PATJ: variants seen among roughly 807,000 people sequenced by gnomAD.
The protein encoded by PATJ is inaD-like protein.
Under a neutral mutation model 224.9 loss-of-function variants are expected in PATJ, and 190 were observed. The ratio of observed to expected loss-of-function variants is 0.84; its 90% CI spans 0.75 to 0.95. PATJ has a LOEUF of 0.95. Among genes scored for constraint, PATJ ranks in the 40% least tolerant of loss-of-function variants. The pLI is 0.00. For synonymous variants in PATJ, 769 were observed against 820.3 expected, an observed-to-expected ratio of 0.94 and a Z score of 1.07; for missense variants, 2,121 against 2,270.3, an observed-to-expected ratio of 0.93 and a Z score of 1.34.
At chr1:62,103,038 C>T (rs1349154322) in intron 33 of PATJ, among the ~76,000 whole-genome samples, 1 of 152,112 alleles carries the variant, frequency 6.6e-6, no homozygotes, top group Non-Finnish European at 1.5e-5. Flanking sequence ...TCAACTTCTG[C>T]TTCCACAAGT....
chr1:62,149,418 A>T (rs1668399084), intron 42 of PATJ, among the ~76,000 whole-genome samples: 1 of 152,194 alleles, frequency 6.6e-6, no homozygotes, highest in South Asian at 2.1e-4. Flanking sequence ...TCATGGTCAT[A>T]GCCCGTCCCA....
chr1:62,079,315 C>G (rs1658866443), intron 31 of PATJ, 135 bp from the exon 32 acceptor site: 1 of 602,276 alleles, frequency 1.7e-6, no homozygotes, highest in East Asian at 2.8e-5. Flanking sequence ...AACTTCTTGC[C>G]ACCCTCCAAC....
chr1:62,072,875 C>G (rs1558129994), intron 31 of PATJ: 1 of 174,224 alleles, frequency 5.7e-6, no homozygotes. Flanking sequence ...AAGAGTTAGT[C>G]CAGTGGGTGA....
chr1:61,773,866 G>A (rs1254909105), intron 6 of PATJ, among the ~76,000 whole-genome samples: 11 of 151,440 alleles, frequency 7.3e-5, no homozygotes, highest in African/African-American at 1.2e-4. Flanking sequence ...CACGCCTGTA[G>A]TCCCAGGACT....
At chr1:62,097,928 T>A (rs2148820477) in intron 33 of PATJ, among the ~76,000 whole-genome samples, 2 of 152,280 alleles carry the variant, frequency 1.3e-5, no homozygotes, top group East Asian at 3.9e-4. Context: ...ACACAACATT[T>A]GGGTTCATAG....
chr1:61,856,691 C>T (rs571195777), intron 18 of PATJ, among the ~76,000 whole-genome samples: 1 of 152,110 alleles, frequency 6.6e-6, no homozygotes, highest in Non-Finnish European at 1.5e-5. Flanking sequence ...TGGGTTCAAG[C>T]GATTCTCCTG....
chr1:61,971,153 G>A (rs941253095), intron 27 of PATJ, among the ~76,000 whole-genome samples: 11 of 152,172 alleles, frequency 7.2e-5, no homozygotes, highest in African/African-American at 2.7e-4. Context: ...TCATTGACCA[G>A]TCTGAGGCTG....
chr1:61,869,115 T>C (rs1318558631), intron 20 of PATJ, among the ~76,000 whole-genome samples: 2 of 149,636 alleles, frequency 1.3e-5, no homozygotes, highest in South Asian at 2.1e-4. Flanking sequence ...TTTTTTTTTT[T>C]TTCTTTTTTG....
intron 17 of PATJ, 94 bp from the exon 18 acceptor site, chr1:61,855,936 T>C (rs1663580808): frequency 1.2e-6 from 1 of 840,504 alleles, no homozygotes; most frequent in African/African-American, 1.7e-5. Context: ...AAGTAAGTGG[T>C]CAAATAAGAT....
At chr1:62,074,789 C>T (rs1030577279) in intron 31 of PATJ, among the ~76,000 whole-genome samples, 1 of 151,858 alleles carries the variant, frequency 6.6e-6, no homozygotes, top group Non-Finnish European at 1.5e-5. Context: ...CATGGCAAAA[C>T]CTCATCTCTA....
intron 9 of PATJ, among the ~76,000 whole-genome samples, chr1:61,792,846 C>T (rs938197237): frequency 1.3e-5 from 2 of 152,036 alleles, no homozygotes; most frequent in African/African-American, 4.8e-5. Flanking sequence ...ACTTCTTTAC[C>T]CTCAAAAGTT....
rs775441937 is a variant in PATJ at position 61,884,345 on chromosome 1, G to A, written c.3068G>A (p.Arg1023Gln). ...CCTTTATATCAACACCAAGCGACAC[G>A]AGTTATTTCCAAGGCCTCAGCATAC... ...DLPLYQHQAT[R>Q]VISKASAYTG... Residue 1023 changes from arginine (R) to glutamine (Q), a missense_variant, in exon 22 of 44, where the codon CGA becomes CAA. Transcript: ENST00000642238. 9.3e-6 allele frequency: 15 copies of A among 1,613,014 alleles called. No homozygotes were observed. Among genetic ancestry groups the A allele is most frequent in the African/African-American group, 8.0e-5 (6 of 74,756 alleles).
intron 30 of PATJ, among the ~76,000 whole-genome samples, chr1:62,040,177 C>A (rs924312269): frequency 4.0e-5 from 6 of 149,270 alleles, no homozygotes; most frequent in African/African-American, 1.2e-4. Context: ...GGTGTGATCT[C>A]GGCTCTCTGC....
At chr1:62,049,181 G>A (rs1284919138) in intron 30 of PATJ, among the ~76,000 whole-genome samples, 1 of 147,202 alleles carries the variant, frequency 6.8e-6, no homozygotes, top group African/African-American at 2.5e-5. Flanking sequence ...TAATCAAACA[G>A]TATAGAAATA....
chr1:61,809,492 A>T (rs1206883875), intron 14 of PATJ, among the ~76,000 whole-genome samples: 5 of 150,514 alleles, frequency 3.3e-5, no homozygotes, highest in Middle Eastern at 3.5e-3. Flanking sequence ...GGTTCAAGCG[A>T]TTCTCCTGCC....
chr1:61,984,979 T>C (rs1644665623), intron 27 of PATJ, among the ~76,000 whole-genome samples: 1 of 152,062 alleles, frequency 6.6e-6, no homozygotes, highest in Non-Finnish European at 1.5e-5. Context: ...TAAGCAGGAT[T>C]ATAGTAGGGT....
At chr1:62,013,503 T>C (rs977150824) in intron 28 of PATJ, 1 of 985,332 alleles carries the variant, frequency 1.0e-6, no homozygotes, top group Non-Finnish European at 1.2e-6. Flanking sequence ...TGTTGGCTCC[T>C]GCCCTAAGGA....
intron 17 of PATJ, among the ~76,000 whole-genome samples, chr1:61,847,369 T>C (rs1662135132): frequency 6.6e-6 from 1 of 152,256 alleles, no homozygotes; most frequent in Non-Finnish European, 1.5e-5. Context: ...TTTTGCTTTT[T>C]ATTGCTTTCT....
At chr1:61,780,971 G>C (rs929893264) in intron 7 of PATJ, among the ~76,000 whole-genome samples, 1 of 152,138 alleles carries the variant, frequency 6.6e-6, no homozygotes. Flanking sequence ...AGAGAAGGAA[G>C]TACTTACGCC....
Sources: allele counts gnomAD v4.1 joint callset (sites outside exome capture counted in the v4.1 genomes callset), GRCh38; gene constraint gnomAD v4.1.1; transcripts MANE v1.5; gene names NCBI Gene and HGNC (gene_info 2026-07-23, HGNC 2026-07-21).